Variants in NEDD9 observed in about 807,000 individuals in gnomAD.
The protein encoded by NEDD9 is neural precursor cell expressed, developmentally down-regulated 9, also known as enhancer of filamentation 1.
A neutral mutation model predicts 76.6 loss-of-function variants in NEDD9; 26 were observed. That is an observed-to-expected ratio of 0.34 (90% CI 0.25 to 0.47). NEDD9 has a LOEUF of 0.47. Ranked by LOEUF, NEDD9 falls within the 20% of genes least tolerant of loss-of-function variation. NEDD9 has a pLI of 1.00. For missense variants in NEDD9, 937 were observed against 1,058.5 expected (o/e 0.89, Z 1.59); for synonymous variants, 392 against 414.2 (o/e 0.95, Z 0.65).
intron 1 of NEDD9, among the ~76,000 whole-genome samples, chr6:11,359,119 G>A (rs770672727): frequency 2.6e-5 from 4 of 152,212 alleles, no homozygotes; most frequent in Non-Finnish European, 2.9e-5. Context: ...TTCTCCAGGT[G>A]GAGTAGCAAG....
intron 3 of NEDD9, among the ~76,000 whole-genome samples, chr6:11,280,405 C>T (rs1341860337): frequency 6.6e-6 from 1 of 152,190 alleles, no homozygotes; most frequent in Non-Finnish European, 1.5e-5. Context: ...TGCATGGACC[C>T]TGGATTGACT....
chr6:11,316,892 T>C (rs973194681), intron 2 of NEDD9, among the ~76,000 whole-genome samples: 5 of 152,226 alleles, frequency 3.3e-5, no homozygotes, highest in African/African-American at 9.6e-5. Flanking sequence ...TGGATGCTAG[T>C]ATCATTCTGA....
chr6:11,320,300 A>T (rs1239796861), intron 2 of NEDD9, among the ~76,000 whole-genome samples: 1 of 152,192 alleles, frequency 6.6e-6, no homozygotes, highest in African/African-American at 2.4e-5. Context: ...GAGAATTTTG[A>T]TGGTTGTGGC....
rs371671299 is a variant in NEDD9, at chr6:11,185,656, G to A, written c.2011C>T (p.Leu671=). The A allele has an allele frequency of 1.5e-5, 24 of 1,614,180 alleles. No homozygotes were observed. Among genetic ancestry groups the A allele is most frequent in the African/African-American group, 4.0e-5 (3 of 75,054 alleles). ...LEHHQLSQFQ[L]LEQEITKPVE... ...GGCTTTGTAATCTCTTGTTCCAACAGCTGGAACTGGCTCAGCTGCAAGGAA... is the reference window on the plus strand; with the variant it reads ...GGCTTTGTAATCTCTTGTTCCAACAACTGGAACTGGCTCAGCTGCAAGGAA... Residue 671 remains leucine (L), a synonymous_variant, in exon 7 of 7, where the codon CTG becomes TTG. Coordinates refer to ENST00000379446, the MANE Select transcript of NEDD9 (RefSeq NM_006403.4).
intron 3 of NEDD9, among the ~76,000 whole-genome samples, chr6:11,238,454 G>T (rs905574214): frequency 2.6e-5 from 4 of 152,228 alleles, no homozygotes; most frequent in African/African-American, 9.6e-5. Flanking sequence ...ACCCTCGTGG[G>T]ACTAAGCTCA....
chr6:11,224,401 G>T (rs766319334), intron 1 of NEDD9, among the ~76,000 whole-genome samples: 21 of 152,144 alleles, frequency 1.4e-4, no homozygotes, highest in Non-Finnish European at 2.2e-4. Flanking sequence ...CCATTTAAAG[G>T]TGTGCTTGTC....
At chr6:11,319,674 A>G (rs1761720082) in intron 2 of NEDD9, among the ~76,000 whole-genome samples, 2 of 127,766 alleles carry the variant, frequency 1.6e-5, no homozygotes, top group African/African-American at 6.0e-5. Context: ...ACATGCACAC[A>G]TACACAAACA....
intron 3 of NEDD9, among the ~76,000 whole-genome samples, chr6:11,276,523 G>A (rs1176686412): frequency 6.6e-6 from 1 of 152,244 alleles, no homozygotes; most frequent in Non-Finnish European, 1.5e-5. Flanking sequence ...GGTTTGCAGG[G>A]AGTGGGTACA....
chr6:11,259,458 C>T (rs1414209287), intron 3 of NEDD9, among the ~76,000 whole-genome samples: 1 of 152,196 alleles, frequency 6.6e-6, no homozygotes, highest in Non-Finnish European at 1.5e-5. Flanking sequence ...AAGATGGGTT[C>T]TATCCTGTTC....
At chr6:11,313,062 GTGGA>G (rs1226872415) in intron 2 of NEDD9, among the ~76,000 whole-genome samples, 5 of 152,204 alleles carry the variant, frequency 3.3e-5, no homozygotes, top group Non-Finnish European at 5.9e-5. Flanking sequence ...GGTTTGTGAA[GTGGA>G]TGGATGGATA....
At chr6:11,343,491 C>T (rs1561841912) in intron 1 of NEDD9, among the ~76,000 whole-genome samples, 1 of 151,900 alleles carries the variant, frequency 6.6e-6, no homozygotes, top group South Asian at 2.1e-4. Flanking sequence ...AAAACTGCAC[C>T]CCACTACTCC....
intron 3 of NEDD9, among the ~76,000 whole-genome samples, chr6:11,268,407 T>A (rs555216246): frequency 6.6e-6 from 1 of 152,038 alleles, no homozygotes; most frequent in African/African-American, 2.4e-5. Context: ...TAAGACTGAG[T>A]CAAAATTGTT....
chr6:11,332,449 C>T (rs192321500), intron 2 of NEDD9, among the ~76,000 whole-genome samples: 2 of 152,344 alleles, frequency 1.3e-5, no homozygotes, highest in Non-Finnish European at 2.9e-5. Context: ...ATGTACCACT[C>T]TCATCTCTCG....
At chr6:11,319,002 G>A (rs868459214) in intron 2 of NEDD9, among the ~76,000 whole-genome samples, 3 of 152,344 alleles carry the variant, frequency 2.0e-5, no homozygotes, top group South Asian at 4.1e-4. Flanking sequence ...ATTTAACCAA[G>A]AGATTTATTG....
chr6:11,203,975 T>TA (rs59959052), intron 2 of NEDD9, among the ~76,000 whole-genome samples: 11,314 of 149,276 alleles, frequency 0.076, 567 homozygotes, highest in African/African-American at 0.14. Context: ...ATCTTTTCTT[T>TA]AAAAAAAAAA....
At chr6:11,189,473 T>C (rs1246190365) in intron 5 of NEDD9, among the ~76,000 whole-genome samples, 1 of 152,228 alleles carries the variant, frequency 6.6e-6, no homozygotes. Flanking sequence ...AGAGTAGGGC[T>C]AGCAGGGGCC....
intron 2 of NEDD9, among the ~76,000 whole-genome samples, chr6:11,317,689 T>C (rs2113458126): frequency 6.6e-6 from 1 of 152,262 alleles, no homozygotes; most frequent in Admixed American, 6.5e-5. Flanking sequence ...CTTCTCTTTC[T>C]AGAAACTTGG....
At chr6:11,240,986 C>T (rs568979418) in intron 3 of NEDD9, among the ~76,000 whole-genome samples, 2 of 152,162 alleles carry the variant, frequency 1.3e-5, no homozygotes, top group African/African-American at 2.4e-5. Context: ...TTTCTCTAGC[C>T]GTGAGGTGTT....
At position 11,213,860 on chromosome 6, in the gene NEDD9, AG is replaced by A; in HGVS notation, c.13-134del. On this transcript the variant is annotated intron_variant, in intron 1 of 6. Coordinates refer to ENST00000379446, the MANE Select transcript of NEDD9 (RefSeq NM_006403.4). The surrounding 1 kb of genome is among the most constrained non-coding windows in gnomAD (Gnocchi z 5.4). ...GCATAAATCTGAACAATAGACTGTA[AG>A]GAGAAAAACAGATGGTGCAGACAAA... is the stretch of plus-strand genomic sequence containing the variant. The A allele has an allele frequency of 1.3e-6, 1 of 769,550 alleles. No individual in the cohort carries two copies. Among genetic ancestry groups the A allele is most frequent in the Non-Finnish European group, 2.1e-6 (1 of 485,426 alleles). 47.7% of individuals were successfully genotyped at this position (769,550 alleles called of 1,614,324 possible).
Sources: gnomAD v4.1 joint callset for allele counts (sites outside exome capture counted in the v4.1 genomes callset) on GRCh38, gnomAD v4.1.1 for gene constraint, Gnocchi (gnomAD v3.1) non-coding constraint, MANE v1.5 for transcripts, NCBI Gene and HGNC (gene_info 2026-07-23, HGNC 2026-07-21) for gene names.